PACRG: variants seen among roughly 807,000 people sequenced by gnomAD.
The protein encoded by PACRG is parkin coregulated, also known as parkin coregulated gene protein.
A neutral mutation model predicts 29.7 loss-of-function variants in PACRG; 29 were observed. The observed-to-expected ratio is 0.98, with a 90% CI of 0.73 to 1.33. PACRG has a LOEUF of 1.33. PACRG is among the 40% of genes most tolerant of loss of function. PACRG has a pLI of 0.00. For synonymous variants in PACRG, 116 were observed against 118.7 expected (o/e 0.98, Z 0.15); for missense variants, 279 against 316.2 (o/e 0.88, Z 0.89).
At chr6:162,915,492 A>G (rs1427586225) in intron 2 of PACRG, among the ~76,000 whole-genome samples, 6 of 152,046 alleles carry the variant, frequency 3.9e-5, no homozygotes, top group Non-Finnish European at 8.8e-5. Flanking sequence ...ACAGCTTGAC[A>G]GTGTCTGTTT....
intron 2 of PACRG, among the ~76,000 whole-genome samples, chr6:163,059,888 A>G (rs1345565106): frequency 6.6e-6 from 1 of 152,232 alleles, no homozygotes; most frequent in African/African-American, 2.4e-5. Flanking sequence ...AAGAAAAAAT[A>G]GAATTCCAAG....
At chr6:162,863,184 T>C (rs1792008807) in intron 2 of PACRG, among the ~76,000 whole-genome samples, 1 of 152,194 alleles carries the variant, frequency 6.6e-6, no homozygotes, top group South Asian at 2.1e-4. Context: ...TCTAGTACCG[T>C]GCCTGATGTG....
chr6:162,998,021 T>C (rs1248988893), intron 2 of PACRG, among the ~76,000 whole-genome samples: 1 of 152,144 alleles, frequency 6.6e-6, no homozygotes, highest in Non-Finnish European at 1.5e-5. Flanking sequence ...CTGGCTTTAG[T>C]TTTCTCAGGA....
chr6:163,170,353 C>G (rs1779013601), intron 4 of PACRG: 1 of 152,316 alleles, frequency 6.6e-6, no homozygotes, highest in Non-Finnish European at 1.5e-5. Context: ...TTCTGCATCT[C>G]TGGTTGCCTG....
At chr6:163,082,773 A>C (rs963074348) in intron 3 of PACRG, among the ~76,000 whole-genome samples, 1 of 152,194 alleles carries the variant, frequency 6.6e-6, no homozygotes, top group East Asian at 1.9e-4. Context: ...ATGACTAATA[A>C]TTTTATAGTT....
intron 1 of PACRG, among the ~76,000 whole-genome samples, chr6:162,794,537 AT>A (rs200868409): frequency 1.3e-5 from 2 of 152,160 alleles, no homozygotes; most frequent in East Asian, 1.9e-4. Flanking sequence ...AATAATAAAG[AT>A]TTTTTTCTGC....
chr6:163,210,364 C>G (rs1254731074), intron 4 of PACRG, among the ~76,000 whole-genome samples: 1 of 152,156 alleles, frequency 6.6e-6, no homozygotes, highest in Non-Finnish European at 1.5e-5. Flanking sequence ...GCCAAGTATT[C>G]AATTCAACAC....
chr6:162,807,869 G>A (rs1786491543), intron 1 of PACRG, among the ~76,000 whole-genome samples: 1 of 152,072 alleles, frequency 6.6e-6, no homozygotes, highest in South Asian at 2.1e-4. Context: ...GCAATAAAAT[G>A]AATGTCTCTA....
At chr6:163,090,639 A>G (rs906420764) in intron 4 of PACRG, among the ~76,000 whole-genome samples, 25 of 151,086 alleles carry the variant, frequency 1.7e-4, no homozygotes, top group African/African-American at 6.0e-4. Flanking sequence ...CATAGTTCAT[A>G]TTTTTACCAT....
At chr6:163,138,244 C>T (rs537446428) in intron 4 of PACRG, among the ~76,000 whole-genome samples, 1 of 152,136 alleles carries the variant, frequency 6.6e-6, no homozygotes, top group Non-Finnish European at 1.5e-5. Flanking sequence ...TGGATCTGGA[C>T]GTTTTTCTAA....
At position 163,314,883 on chromosome 6, in the gene PACRG, T is replaced by C; in HGVS notation, c.670T>C (p.Leu224=). 1 of 1,614,204 alleles carries C rather than the reference T, an allele frequency of 6.2e-7. No homozygotes were observed. Among genetic ancestry groups the C allele is most frequent in the African/African-American group, 1.3e-5 (1 of 75,056 alleles). Reference sequence around the variant, plus strand: ...GCAGAAGAGGGAGAACATTGGGGACTTGATCCAGGAGACACTGGAGGCCTT... The same window carrying C: ...GCAGAAGAGGGAGAACATTGGGGACCTGATCCAGGAGACACTGGAGGCCTT... ...SQQKRENIGD[L]IQETLEAFER... Residue 224 remains leucine, a synonymous_variant, in exon 5 of 5, where the codon TTG becomes CTG. Coordinates refer to ENST00000366888, the MANE Select transcript of PACRG (RefSeq NM_001080379.2).
intron 2 of PACRG, among the ~76,000 whole-genome samples, chr6:162,845,315 C>A (rs977904396): frequency 6.6e-6 from 1 of 152,058 alleles, no homozygotes; most frequent in South Asian, 2.1e-4. Flanking sequence ...ACTCACATGT[C>A]CAAACCGTGA....
At chr6:163,221,260 C>T (rs1781572499) in intron 4 of PACRG, among the ~76,000 whole-genome samples, 2 of 152,172 alleles carry the variant, frequency 1.3e-5, no homozygotes, top group African/African-American at 4.8e-5. Context: ...CCAAATAAAA[C>T]AGAGTCCAGA....
chr6:162,737,020 T>C (rs1323570892), intron 1 of PACRG, among the ~76,000 whole-genome samples: 1 of 152,220 alleles, frequency 6.6e-6, no homozygotes. Flanking sequence ...GTTTTTTCTG[T>C]ATTTTACAGT....
chr6:162,806,428 TAA>T (rs74420708), intron 1 of PACRG, among the ~76,000 whole-genome samples: 32 of 127,236 alleles, frequency 2.5e-4, no homozygotes, highest in Non-Finnish European at 2.7e-4. Flanking sequence ...ATTTCTTAAG[TAA>T]AAAAAAAAAA....
At chr6:162,969,411 C>T (rs1801341029) in intron 2 of PACRG, among the ~76,000 whole-genome samples, 1 of 151,968 alleles carries the variant, frequency 6.6e-6, no homozygotes, top group Non-Finnish European at 1.5e-5. Flanking sequence ...CCATTGCTAC[C>T]CCATCATCTC....
At chr6:162,849,342 G>A (rs1233870881) in intron 2 of PACRG, among the ~76,000 whole-genome samples, 1 of 152,196 alleles carries the variant, frequency 6.6e-6, no homozygotes, top group African/African-American at 2.4e-5. Flanking sequence ...GAACAGGAAA[G>A]GTGAAAGCAT....
At chr6:162,792,518 A>T (rs1785040926) in intron 1 of PACRG, among the ~76,000 whole-genome samples, 1 of 152,164 alleles carries the variant, frequency 6.6e-6, no homozygotes, top group Admixed American at 6.5e-5. Context: ...ACCGTGATAG[A>T]ACAGGCCAAG....
chr6:162,824,002 G>T (rs998559275), intron 2 of PACRG, among the ~76,000 whole-genome samples: 3 of 152,142 alleles, frequency 2.0e-5, no homozygotes, highest in African/African-American at 7.2e-5. Flanking sequence ...CACTGAGATA[G>T]CTGGAGTACA....
Sources: allele counts gnomAD v4.1 joint callset (sites outside exome capture counted in the v4.1 genomes callset), GRCh38; gene constraint gnomAD v4.1.1; transcripts MANE v1.5; gene names NCBI Gene and HGNC (gene_info 2026-07-23, HGNC 2026-07-21).